The following ITPR1 variants were observed in gnomAD, a reference collection of about 807,000 sequenced individuals.
The protein encoded by ITPR1 is inositol 1,4,5-trisphosphate-gated calcium channel ITPR1.
In ITPR1, 96 loss-of-function variants were observed where a neutral mutation model predicts 318.4. The ratio of observed to expected loss-of-function variants is 0.30; its 90% CI spans 0.26 to 0.36. The LOEUF (loss-of-function observed/expected upper bound fraction) is 0.36, where lower values mean the gene tolerates loss of function less well. ITPR1 is among the 10% of genes least tolerant of loss of function. The pLI, the probability that ITPR1 is intolerant of heterozygous loss-of-function variation, is 1.00. For synonymous variants in ITPR1, 1,312 were observed against 1,289.9 expected, an observed-to-expected ratio of 1.02 and a Z score of -0.37; for missense variants, 2,440 against 3,460.2, an observed-to-expected ratio of 0.71 and a Z score of 7.40.
At chr3:4,614,496 G>A (rs2092306383) in intron 4 of ITPR1, among the ~76,000 whole-genome samples, 1 of 152,186 alleles carries the variant, frequency 6.6e-6, no homozygotes. Context: ...TTCTGAGTTA[G>A]CTATGTGGTT....
intron 4 of ITPR1, among the ~76,000 whole-genome samples, chr3:4,573,120 G>A (rs188306442): frequency 6.6e-6 from 1 of 152,104 alleles, no homozygotes; most frequent in Non-Finnish European, 1.5e-5. Flanking sequence ...GGAATTACTA[G>A]ATTATATAGT....
intron 2 of ITPR1, among the ~76,000 whole-genome samples, chr3:4,501,542 G>A (rs946647103): frequency 6.6e-6 from 1 of 152,224 alleles, no homozygotes; most frequent in African/African-American, 2.4e-5. Flanking sequence ...GCCTGTCCCT[G>A]TGCTTTTTCA....
At chr3:4,593,336 C>A (rs961442510) in intron 4 of ITPR1, among the ~76,000 whole-genome samples, 2 of 152,182 alleles carry the variant, frequency 1.3e-5, no homozygotes, top group Admixed American at 6.5e-5. Flanking sequence ...GAGGCTTAGA[C>A]AAGGTCACAT....
At chr3:4,754,057 G>C (rs562960259) in intron 44 of ITPR1, among the ~76,000 whole-genome samples, 3,744 of 131,074 alleles carry the variant, frequency 0.029, 120 homozygotes, top group South Asian at 0.076. Context: ...ATGGGGGGGG[G>C]GTGGCAAGGA....
chr3:4,557,068 ATGACT>A (rs2086201662), intron 4 of ITPR1, among the ~76,000 whole-genome samples: 1 of 152,198 alleles, frequency 6.6e-6, no homozygotes. Context: ...TTGACAATTG[ATGACT>A]TGAGCCCAGA....
chr3:4,827,978 A>C, intron 60 of ITPR1, among the ~76,000 whole-genome samples: 1 of 147,780 alleles, frequency 6.8e-6, no homozygotes, highest in Non-Finnish European at 1.5e-5. Context: ...ATCTTCCATC[A>C]CTTCTTTCTC....
chr3:4,503,334 G>C (rs1282811421), intron 2 of ITPR1, among the ~76,000 whole-genome samples: 1 of 152,182 alleles, frequency 6.6e-6, no homozygotes, highest in Non-Finnish European at 1.5e-5. Context: ...GCAGTACCGA[G>C]TGTTGACTGC....
At chr3:4,833,246 A>T (rs1431022639) in intron 60 of ITPR1, among the ~76,000 whole-genome samples, 1 of 152,206 alleles carries the variant, frequency 6.6e-6, no homozygotes, top group Non-Finnish European at 1.5e-5. Context: ...GGTGAGGAAA[A>T]TTCTCATTTT....
chr3:4,516,452 T>C (rs775141055), intron 2 of ITPR1, 24 bp from the exon 3 acceptor site: 4 of 1,193,926 alleles, frequency 3.4e-6, no homozygotes, highest in Non-Finnish European at 4.8e-6. Flanking sequence ...CTTCTAACAA[T>C]GCTGCATATT....
chr3:4,559,455 T>C (rs865811216), intron 4 of ITPR1, among the ~76,000 whole-genome samples: 1 of 152,206 alleles, frequency 6.6e-6, no homozygotes, highest in Non-Finnish European at 1.5e-5. Flanking sequence ...TCTGTAAGGG[T>C]ATTTTTATAA....
At chr3:4,737,265 A>G (rs968779803) in intron 44 of ITPR1, among the ~76,000 whole-genome samples, 2 of 152,186 alleles carry the variant, frequency 1.3e-5, no homozygotes, top group African/African-American at 2.4e-5. Context: ...ATACGATGCT[A>G]TGTCTCAAGG....
At chr3:4,782,491 C>T (rs2046899441) in intron 49 of ITPR1, 128 bp from the exon 50 acceptor site, 3 of 895,146 alleles carry the variant, frequency 3.4e-6, no homozygotes, top group Non-Finnish European at 4.9e-6. Context: ...TGTGTCCAAG[C>T]CCGATAGGAG....
At chr3:4,821,848 T>C (rs2049743567) in intron 60 of ITPR1, among the ~76,000 whole-genome samples, 1 of 152,136 alleles carries the variant, frequency 6.6e-6, no homozygotes, top group African/African-American at 2.4e-5. Flanking sequence ...CTGTCTTAAG[T>C]TGAGAACTCT....
chr3:4,620,680 G>GT (rs66922925), intron 4 of ITPR1, among the ~76,000 whole-genome samples: 2,635 of 128,094 alleles, frequency 0.021, 52 homozygotes, highest in East Asian at 0.097. Flanking sequence ...TTCTTTGTGG[G>GT]TTTTTTTTTT....
Position 4,779,351 on chromosome 3 carries a change from C to T in ITPR1, c.6292-199C>T, listed in dbSNP as rs1366521522. On this transcript the variant is annotated intron_variant, in intron 48 of 61. Transcript: ENST00000649015. The surrounding 1 kb of genome is among the most constrained non-coding windows in gnomAD (Gnocchi z 4.0). ...TCTTTGTCCGAAATCAGATTCTGCA[C>T]ACGTATCTGGGGTCTGAAGGGGGAT... Among the ~76,000 whole-genome samples, 2 of 152,254 alleles carry T rather than the reference C, an allele frequency of 1.3e-5. No individual in the cohort carries two copies. The highest frequency in any genetic ancestry group is 2.4e-5 in the African/African-American group (1 of 41,468).
chr3:4,587,176 A>C (rs915924882), intron 4 of ITPR1, among the ~76,000 whole-genome samples: 3 of 151,886 alleles, frequency 2.0e-5, no homozygotes, highest in Non-Finnish European at 4.4e-5. Context: ...GCAGATTCCG[A>C]AACAGCCTGC....
intron 4 of ITPR1, among the ~76,000 whole-genome samples, chr3:4,525,247 C>T (rs776411282): frequency 3.5e-4 from 53 of 152,140 alleles, no homozygotes; most frequent in Non-Finnish European, 8.8e-5. Context: ...CAAACAATTC[C>T]ATCCTTATCA....
chr3:4,535,829 A>G (rs577700708), intron 4 of ITPR1, among the ~76,000 whole-genome samples: 67 of 152,202 alleles, frequency 4.4e-4, no homozygotes, highest in South Asian at 1.2e-3. Context: ...CTAATGTGTG[A>G]TTAAGTGGGG....
intron 14 of ITPR1, among the ~76,000 whole-genome samples, chr3:4,661,596 T>A (rs2093834157): frequency 3.3e-5 from 5 of 152,198 alleles, no homozygotes; most frequent in Admixed American, 3.3e-4. Context: ...TTTTAACAAG[T>A]GGAAGGATGC....
Sources: gnomAD v4.1 joint callset for allele counts (sites outside exome capture counted in the v4.1 genomes callset) on GRCh38, gnomAD v4.1.1 for gene constraint, Gnocchi (gnomAD v3.1) non-coding constraint, MANE v1.5 for transcripts, NCBI Gene and HGNC (gene_info 2026-07-23, HGNC 2026-07-21) for gene names.